The following HIRA variants were observed in gnomAD, a reference collection of about 807,000 sequenced individuals.
HIRA encodes histone cell cycle regulator, also known as protein HIRA.
HIRA carries 13 observed loss-of-function variants against 126.6 expected under a neutral mutation model. The ratio of observed to expected loss-of-function variants is 0.10; its 90% confidence interval spans 0.07 to 0.16. The LOEUF (loss-of-function observed/expected upper bound fraction) is 0.16. Among genes scored for constraint, HIRA ranks in the 10% least tolerant of loss-of-function variants. The pLI is 1.00. For missense variants in HIRA, 834 were observed against 1,314.4 expected (o/e 0.63, Z 5.65); for synonymous variants, 511 against 520.0 (o/e 0.98, Z 0.24).
rs572547216 is a variant in HIRA at position 19,359,131 on chromosome 22, C to T, written c.2234+205G>A. Among the ~76,000 whole-genome samples the T allele has an allele frequency of 9.9e-5, 15 of 152,242 alleles. No homozygotes were observed. The East Asian group carries it at 1.7e-3, about 18-fold the overall frequency. The stretch of plus-strand genomic sequence containing the variant: ...GGGCTCAGTTTCCCCATCTGTAACA[C>T]GGGGATACTGATGCTGACCTTGCTG... On this transcript the variant is annotated intron_variant, in intron 18 of 24. Coordinates refer to ENST00000263208, the MANE Select transcript of HIRA (RefSeq NM_003325.4).
intron 1 of HIRA, among the ~76,000 whole-genome samples, chr22:19,424,117 T>G (rs939970136): frequency 6.6e-6 from 1 of 152,244 alleles, no homozygotes; most frequent in African/African-American, 2.4e-5. Flanking sequence ...TACTATGGTG[T>G]GTACCAAGTA....
intron 1 of HIRA, among the ~76,000 whole-genome samples, chr22:19,412,769 G>A (rs944031949): frequency 6.6e-6 from 1 of 152,120 alleles, no homozygotes; most frequent in Admixed American, 6.6e-5. Context: ...CAGCCCATGC[G>A]CTTTAGATCA....
chr22:19,430,705 G>A (rs1307523447), intron 1 of HIRA, among the ~76,000 whole-genome samples: 2 of 152,050 alleles, frequency 1.3e-5, no homozygotes, highest in Non-Finnish European at 2.9e-5. Context: ...CAGCAGTTCT[G>A]CCAACAAGGC....
chr22:19,396,049 A>C (rs2146229767), intron 7 of HIRA, among the ~76,000 whole-genome samples: 1 of 151,968 alleles, frequency 6.6e-6, no homozygotes, highest in Admixed American at 6.5e-5. Context: ...ATCAACAAGC[A>C]CAGCACAGTC....
At chr22:19,369,990 T>C (rs5746725) in intron 15 of HIRA, among the ~76,000 whole-genome samples, 23,745 of 152,102 alleles carry the variant, frequency 0.16, 3,915 homozygotes, top group African/African-American at 0.41. Context: ...TTTCGTTTTG[T>C]TTTTGTTTTT....
At chr22:19,385,849 C>G (rs576775049) in intron 11 of HIRA, 113 bp from the exon 12 acceptor site, 2 of 970,456 alleles carry the variant, frequency 2.1e-6, no homozygotes, top group East Asian at 5.3e-5. Flanking sequence ...GGAGAAGGGA[C>G]CCAAGGCCAA....
At chr22:19,341,861 T>A (rs1365390547) in intron 24 of HIRA, among the ~76,000 whole-genome samples, 1 of 152,142 alleles carries the variant, frequency 6.6e-6, no homozygotes, top group African/African-American at 2.4e-5. Flanking sequence ...GAAGATAACA[T>A]CGGAAAAACT....
chr22:19,361,897 G>C lies in HIRA; in HGVS notation c.1810C>G (p.Pro604Ala), dbSNP rs774632215. 1 of 1,614,194 alleles carries C rather than the reference G, an allele frequency of 6.2e-7. No individual in the cohort carries two copies. ...KEQNLVKELR[P>A]RDLLESSSDS... ...CTGCTGCTCTCCAGGAGGTCTCGGG[G>C]CCTCAGCTCTTTCACAAGGTTCTGC... Residue 604 changes from proline (P) to alanine (A), a missense_variant, in exon 16 of 25, where the codon CCC (proline) becomes GCC (alanine). Around this residue, in one of 5 missense-constraint regions of HIRA, gnomAD observed 468 missense variants for 574.2 expected, o/e 0.82. Coordinates refer to ENST00000263208, the MANE Select transcript of HIRA (RefSeq NM_003325.4).
intron 24 of HIRA, among the ~76,000 whole-genome samples, chr22:19,334,146 T>G (rs1266911858): frequency 1.3e-5 from 2 of 151,680 alleles, no homozygotes; most frequent in African/African-American, 4.8e-5. Flanking sequence ...GGCTAATTTT[T>G]TTGTATTTTT....
chr22:19,365,975 T>C (rs1173200011), intron 15 of HIRA: 1 of 152,240 alleles, frequency 6.6e-6, no homozygotes, highest in Admixed American at 6.5e-5. Context: ...CTTGTGTTGA[T>C]AAGTAGTGGT....
chr22:19,361,732 C>A lies in HIRA; in HGVS notation c.1975G>T (p.Val659Phe). The change falls in exon 16 of 25, where the codon GTC (valine) becomes TTC (phenylalanine). Residue 659 changes from valine (V) to phenylalanine (F), a missense_variant. Transcript: ENST00000263208. ...DSRLMPVSLS[V>F]QSPAALTAEK... ...GATGGGCCCACTGGCCTCACCTGGA[C>A]AGACAGAGACACAGGCATGAGACGA... 6.2e-7 allele frequency: 1 copy of A among 1,612,404 alleles called. No individual in the cohort carries two copies. The highest frequency in any genetic ancestry group is 1.7e-5 in the Admixed American group (1 of 60,022).
intron 15 of HIRA, among the ~76,000 whole-genome samples, chr22:19,372,534 C>T (rs1220129244): frequency 6.7e-6 from 1 of 149,798 alleles, no homozygotes; most frequent in African/African-American, 2.5e-5. Context: ...GGTTGTCTTT[C>T]AATTCTGATA....
chr22:19,368,481 C>T (rs1206104884), intron 15 of HIRA, among the ~76,000 whole-genome samples: 2 of 151,804 alleles, frequency 1.3e-5, no homozygotes, highest in Non-Finnish European at 2.9e-5. Context: ...GCTTGTTTTA[C>T]TATGTTGTAA....
At chr22:19,408,040 T>C (rs1244897925) in intron 3 of HIRA, among the ~76,000 whole-genome samples, 1 of 152,120 alleles carries the variant, frequency 6.6e-6, no homozygotes, top group Non-Finnish European at 1.5e-5. Context: ...TCATTAAGCA[T>C]CTCAGGGGTG....
At chr22:19,407,613 C>T (rs5748183) in intron 3 of HIRA, among the ~76,000 whole-genome samples, 23,240 of 152,198 alleles carry the variant, frequency 0.15, 3,898 homozygotes, top group African/African-American at 0.42. Context: ...TAATGAGACA[C>T]ATTTCTGAGT....
At chr22:19,412,842 T>C (rs546171747) in intron 1 of HIRA, among the ~76,000 whole-genome samples, 4 of 152,334 alleles carry the variant, frequency 2.6e-5, no homozygotes, top group African/African-American at 9.6e-5. Flanking sequence ...ATTTCTACTA[T>C]GTGCCAGGCA....
chr22:19,420,179 T>C (rs1279490509), intron 1 of HIRA, among the ~76,000 whole-genome samples: 1 of 151,916 alleles, frequency 6.6e-6, no homozygotes, highest in Non-Finnish European at 1.5e-5. Flanking sequence ...GTTTTGAGAT[T>C]GGGCGCAGTG....
chr22:19,336,306 C>T (rs923780654), intron 24 of HIRA, among the ~76,000 whole-genome samples: 9 of 152,158 alleles, frequency 5.9e-5, no homozygotes, highest in African/African-American at 2.2e-4. Context: ...CAAAAGCACA[C>T]CAGGAAGACC....
chr22:19,415,959 T>G (rs2089393293), intron 1 of HIRA, among the ~76,000 whole-genome samples: 1 of 152,192 alleles, frequency 6.6e-6, no homozygotes, highest in African/African-American at 2.4e-5. Flanking sequence ...AAGTACAAAG[T>G]TGAGGATCTC....
Sources: gnomAD v4.1 joint callset for allele counts (sites outside exome capture counted in the v4.1 genomes callset) on GRCh38, gnomAD v4.1.1 for gene constraint, gnomAD v4.1.1 regional missense constraint, MANE v1.5 for transcripts, NCBI Gene and HGNC (gene_info 2026-07-23, HGNC 2026-07-21) for gene names.